The following POU2F1 variants were observed in gnomAD, a reference collection of about 807,000 sequenced individuals.
The protein encoded by POU2F1 is POU class 2 homeobox 1.
Under a neutral mutation model 84.9 loss-of-function variants are expected in POU2F1, and 16 were observed. The ratio of observed to expected loss-of-function variants is 0.19; its 90% confidence interval spans 0.13 to 0.29. The LOEUF (loss-of-function observed/expected upper bound fraction) is 0.29, where lower values mean the gene tolerates loss of function less well. Among genes scored for constraint, POU2F1 ranks in the 10% least tolerant of loss-of-function variants. The pLI, the probability that POU2F1 is intolerant of heterozygous loss-of-function variation, is 1.00. For missense variants in POU2F1, 738 were observed against 942.6 expected (o/e 0.78, Z 2.84); for synonymous variants, 368 against 368.3 (o/e 1.00, Z 0.01).
chr1:167,400,542 T>C (rs1246921531), intron 12 of POU2F1, among the ~76,000 whole-genome samples: 1 of 152,216 alleles, frequency 6.6e-6, no homozygotes, highest in Non-Finnish European at 1.5e-5. Context: ...TGAACTTGTA[T>C]TAAAACAATC....
At chr1:167,222,704 C>T (rs1048710772) in intron 1 of POU2F1, among the ~76,000 whole-genome samples, 1 of 152,168 alleles carries the variant, frequency 6.6e-6, no homozygotes, top group Non-Finnish European at 1.5e-5. Flanking sequence ...GCTTTACTAG[C>T]ATTAAAACAG....
chr1:167,357,138 A>G (rs1231922325), intron 2 of POU2F1, among the ~76,000 whole-genome samples: 1 of 151,748 alleles, frequency 6.6e-6, no homozygotes, highest in Non-Finnish European at 1.5e-5. Context: ...CCAGACCATC[A>G]CCCGACATTC....
At chr1:167,314,212 A>C (rs980006634) in intron 1 of POU2F1, among the ~76,000 whole-genome samples, 6 of 149,566 alleles carry the variant, frequency 4.0e-5, no homozygotes, top group South Asian at 2.1e-4. Flanking sequence ...AAAAAAAAAA[A>C]ACAAAACTTC....
intron 2 of POU2F1, among the ~76,000 whole-genome samples, chr1:167,364,995 G>A (rs1659593469): frequency 6.6e-6 from 1 of 152,240 alleles, no homozygotes. Context: ...TCATGGAGAA[G>A]GTTGCTTTTT....
In POU2F1 at chr1:167,416,381, T is replaced by G. The variant is rs1208445146; in HGVS notation, c.*571T>G. The G allele has an allele frequency of 5.2e-6, 1 of 192,558 alleles. No homozygotes were observed. The highest frequency in any genetic ancestry group is 1.1e-5 in the Non-Finnish European group (1 of 94,064). 11.9% of individuals were successfully genotyped at this position (192,558 alleles called of 1,614,324 possible). On this transcript the variant is annotated 3_prime_UTR_variant, in exon 16 of 16. Coordinates refer to ENST00000367866, the MANE Select transcript of POU2F1 (RefSeq NM_002697.4). ...TTTAGGCAGGCCTGTATTACTGTAT[T>G]ATTATTGTTGTTGTTGTTATTGTTT...
chr1:167,263,573 A>T (rs266818), intron 1 of POU2F1, among the ~76,000 whole-genome samples: 2,559 of 152,130 alleles, frequency 0.017, 71 homozygotes, highest in African/African-American at 0.058. Context: ...TTTTGCATTT[A>T]GCCTCTTCAG....
In POU2F1 at chr1:167,346,346, A is replaced by G. The variant is rs73022281; in HGVS notation, c.127+13811A>G. On this transcript the variant is annotated intron_variant, in intron 2 of 15. Coordinates refer to ENST00000367866, the MANE Select transcript of POU2F1 (RefSeq NM_002697.4). Reference sequence around the variant, plus strand: ...AAGTAATTTTAAAAATACACATACTATTATTACTTAGGAAGTAAAGGATAT... The same window carrying G: ...AAGTAATTTTAAAAATACACATACTGTTATTACTTAGGAAGTAAAGGATAT... Among the ~76,000 whole-genome samples the G allele has an allele frequency of 5.3e-3, 802 of 152,302 alleles. 10 individuals carry two copies. Among genetic ancestry groups the G allele is most frequent in the African/African-American group, 0.018 (734 of 41,562 alleles).
chr1:167,229,290 C>T (rs562706203), intron 1 of POU2F1, among the ~76,000 whole-genome samples: 1 of 152,072 alleles, frequency 6.6e-6, no homozygotes, highest in Admixed American at 6.6e-5. Context: ...AGAGCATTAC[C>T]ATAAGCAGAT....
At chr1:167,270,673 G>A (rs1652307245) in intron 1 of POU2F1, among the ~76,000 whole-genome samples, 1 of 152,186 alleles carries the variant, frequency 6.6e-6, no homozygotes, top group South Asian at 2.1e-4. Flanking sequence ...TCTGTCTTCA[G>A]GAGAAATCAC....
chr1:167,364,933 CTGT>C (rs1206156304), intron 2 of POU2F1, among the ~76,000 whole-genome samples: 1 of 152,150 alleles, frequency 6.6e-6, no homozygotes, highest in South Asian at 2.1e-4. Flanking sequence ...ATGCAGCAAT[CTGT>C]TGTTTAGGAT....
At chr1:167,334,241 A>T (rs949800389) in intron 2 of POU2F1, among the ~76,000 whole-genome samples, 1 of 139,702 alleles carries the variant, frequency 7.2e-6, no homozygotes, top group Non-Finnish European at 1.5e-5. Flanking sequence ...GCTCACTGCA[A>T]CCTCTGCCTC....
Position 167,419,671 on chromosome 1 carries a change from T to A in POU2F1, c.*3861T>A, listed in dbSNP as rs1650526328. ...GTTTCTAAAGTTCTATAGGCAGCAT[T>A]TTAGAATTAAGAATTGTGTATATCC... is the stretch of plus-strand genomic sequence containing the variant. On this transcript the variant is annotated 3_prime_UTR_variant, in exon 16 of 16. Coordinates refer to ENST00000367866, the MANE Select transcript of POU2F1 (RefSeq NM_002697.4). 6.6e-6 allele frequency: 1 copy of A among 152,226 alleles called. No homozygotes were observed. The highest frequency in any genetic ancestry group is 2.4e-5 in the African/African-American group (1 of 41,444). The allele number at this position is 152,226 out of a possible 1,614,324, so 9.4% of individuals were successfully genotyped here. A position where few individuals can be genotyped will look rare whatever the true frequency, so the allele number is the denominator to read the frequency against.
intron 1 of POU2F1, among the ~76,000 whole-genome samples, chr1:167,259,906 T>G (rs1447535360): frequency 2.6e-5 from 4 of 151,618 alleles, no homozygotes; most frequent in Non-Finnish European, 4.4e-5. Flanking sequence ...TGAGACAGAG[T>G]CTCGCTCTGT....
At chr1:167,267,995 A>C (rs1435643475) in intron 1 of POU2F1, among the ~76,000 whole-genome samples, 3 of 151,998 alleles carry the variant, frequency 2.0e-5, no homozygotes, top group African/African-American at 4.8e-5. Context: ...GTAAACTGCT[A>C]ATCTGTGTTT....
chr1:167,258,756 C>G (rs1012798121), intron 1 of POU2F1, among the ~76,000 whole-genome samples: 2 of 152,112 alleles, frequency 1.3e-5, no homozygotes, highest in Admixed American at 6.5e-5. Flanking sequence ...TCAGAAAATT[C>G]AAAATATAAA....
intron 1 of POU2F1, among the ~76,000 whole-genome samples, chr1:167,294,903 G>A (rs1404774443): frequency 6.6e-6 from 1 of 152,146 alleles, no homozygotes; most frequent in African/African-American, 2.4e-5. Context: ...GAAGGCTGAG[G>A]TGGGCAGATC....
intron 1 of POU2F1, among the ~76,000 whole-genome samples, chr1:167,248,399 C>A (rs182056012): frequency 5.9e-5 from 9 of 152,260 alleles, no homozygotes; most frequent in African/African-American, 2.2e-4. Flanking sequence ...TTTTAACAGC[C>A]CCCTGAACTT....
At chr1:167,250,121 CATT>C (rs1345025140) in intron 1 of POU2F1, among the ~76,000 whole-genome samples, 2 of 151,684 alleles carry the variant, frequency 1.3e-5, no homozygotes, top group Non-Finnish European at 2.9e-5. Flanking sequence ...TAACACTTAA[CATT>C]AGCAGTATTT....
intron 2 of POU2F1, among the ~76,000 whole-genome samples, chr1:167,339,241 T>G (rs1238309455): frequency 6.6e-6 from 1 of 152,200 alleles, no homozygotes; most frequent in Non-Finnish European, 1.5e-5. Flanking sequence ...GTCCCCATCT[T>G]TTCTTTAAAC....
Sources: allele counts gnomAD v4.1 joint callset (sites outside exome capture counted in the v4.1 genomes callset), GRCh38; gene constraint gnomAD v4.1.1; transcripts MANE v1.5; gene names NCBI Gene and HGNC (gene_info 2026-07-23, HGNC 2026-07-21).